MAF: variants seen among roughly 807,000 people sequenced by gnomAD.
MAF encodes MAF bZIP transcription factor.
MAF carries 10 observed loss-of-function variants against 22.0 expected under a neutral mutation model. The observed-to-expected ratio is 0.45, with a 90% CI of 0.28 to 0.77. The LOEUF (loss-of-function observed/expected upper bound fraction) is 0.77, where lower values mean the gene tolerates loss of function less well. Among genes scored for constraint, MAF ranks in the 30% least tolerant of loss-of-function variants. MAF has a pLI of 0.12. For synonymous variants in MAF, 337 were observed against 255.8 expected, an observed-to-expected ratio of 1.32 and a Z score of -3.03; for missense variants, 544 against 548.4, an observed-to-expected ratio of 0.99 and a Z score of 0.08.
the MAF span, among the ~76,000 whole-genome samples, chr16:79,358,886 G>A: frequency 6.6e-6 from 1 of 152,196 alleles, no homozygotes; most frequent in Non-Finnish European, 1.5e-5. Context: ...CCGATGGGAG[G>A]GAAATTTCCT....
chr16:79,357,264 CA>C, the MAF span, among the ~76,000 whole-genome samples: 1 of 133,280 alleles, frequency 7.5e-6, no homozygotes, highest in South Asian at 2.5e-4. Context: ...ACAACAACAA[CA>C]ACAACAACAA....
chr16:79,505,962 A>G, the MAF span, among the ~76,000 whole-genome samples: 1 of 152,118 alleles, frequency 6.6e-6, no homozygotes, highest in Non-Finnish European at 1.5e-5. Flanking sequence ...AAAGAAAGAA[A>G]GAAAATAGAG....
At chr16:79,432,258 A>T in the MAF span, among the ~76,000 whole-genome samples, 2 of 152,046 alleles carry the variant, frequency 1.3e-5, no homozygotes, top group Non-Finnish European at 2.9e-5. Context: ...TTCTGCCATG[A>T]TTGTAAGTTT....
chr16:79,547,885 T>TGTGTGTGTGC, the MAF span, among the ~76,000 whole-genome samples: 2 of 145,730 alleles, frequency 1.4e-5, no homozygotes, highest in African/African-American at 5.0e-5. Context: ...TGTGTGCGTG[T>TGTGTGTGTGC]GTGTGTGTGT....
the MAF span, among the ~76,000 whole-genome samples, chr16:79,294,303 G>T: frequency 9.2e-5 from 14 of 152,078 alleles, no homozygotes; most frequent in Admixed American, 5.9e-4. Flanking sequence ...ATAGAATTGG[G>T]GAACTATGAC....
chr16:79,347,750 C>T, the MAF span, among the ~76,000 whole-genome samples: 1 of 152,118 alleles, frequency 6.6e-6, no homozygotes, highest in Non-Finnish European at 1.5e-5. Context: ...ACAACCCGGG[C>T]CAAGAGCTCA....
the MAF span, among the ~76,000 whole-genome samples, chr16:79,478,612 CT>C: frequency 2.6e-5 from 4 of 152,168 alleles, no homozygotes; most frequent in South Asian, 8.3e-4. Flanking sequence ...CACACAATCA[CT>C]TGTGTACTAT....
the MAF span, among the ~76,000 whole-genome samples, chr16:79,217,194 T>C: frequency 2.6e-5 from 4 of 152,196 alleles, no homozygotes; most frequent in Non-Finnish European, 4.4e-5. Context: ...TTTATGCTCA[T>C]AGGATGAAAG....
the MAF span, among the ~76,000 whole-genome samples, chr16:79,432,489 C>A: frequency 1.3e-5 from 2 of 152,184 alleles, no homozygotes; most frequent in Admixed American, 6.5e-5. Context: ...ACAATTATAA[C>A]AATATACTTA....
chr16:79,364,394 T>C, the MAF span, among the ~76,000 whole-genome samples: 1 of 152,146 alleles, frequency 6.6e-6, no homozygotes, highest in Non-Finnish European at 1.5e-5. Flanking sequence ...TTCCCGCACC[T>C]GTCACTAGTC....
chr16:79,220,255 C>CAAAA, the MAF span, among the ~76,000 whole-genome samples: 32,247 of 93,128 alleles, frequency 0.35, 5,979 homozygotes, highest in Non-Finnish European at 0.48. Flanking sequence ...GACTCCATCT[C>CAAAA]AAAAAAAAAA....
chr16:79,596,480 CA>C (rs560620015), intron 1 of MAF: 218 of 1,034,070 alleles, frequency 2.1e-4, no homozygotes, highest in East Asian at 9.5e-4. Context: ...AGTACAGAAT[CA>C]AAAAAAAATG....
chr16:79,260,641 G>C, the MAF span, among the ~76,000 whole-genome samples: 1 of 152,208 alleles, frequency 6.6e-6, no homozygotes, highest in African/African-American at 2.4e-5. Context: ...GAGTGAATAA[G>C]TGCTGCCGAT....
chr16:79,341,829 G>C, the MAF span, among the ~76,000 whole-genome samples: 9 of 152,172 alleles, frequency 5.9e-5, no homozygotes, highest in Non-Finnish European at 1.3e-4. Context: ...GTGACTTGGA[G>C]AGTTGAGACT....
the MAF span, chr16:79,212,173 C>G: frequency 6.8e-6 from 10 of 1,480,842 alleles, no homozygotes; most frequent in Non-Finnish European, 8.0e-6. Flanking sequence ...ACGGCCACCA[C>G]TGCAGCCGGG....
At chr16:79,441,260 C>T in the MAF span, among the ~76,000 whole-genome samples, 5 of 152,166 alleles carry the variant, frequency 3.3e-5, no homozygotes, top group East Asian at 1.9e-4. Flanking sequence ...CTAAATGTTA[C>T]GACACATTTT....
chr16:79,300,423 T>G, the MAF span, among the ~76,000 whole-genome samples: 1 of 152,040 alleles, frequency 6.6e-6, no homozygotes, highest in African/African-American at 2.4e-5. Flanking sequence ...GGTGTGGTGG[T>G]GCACACATGT....
At chr16:79,227,458 T>C in the MAF span, among the ~76,000 whole-genome samples, 1 of 152,100 alleles carries the variant, frequency 6.6e-6, no homozygotes, top group Non-Finnish European at 1.5e-5. Context: ...AGGTCAGTAT[T>C]CAACAAGAGA....
At chr16:79,223,341 T>C in the MAF span, among the ~76,000 whole-genome samples, 1 of 152,154 alleles carries the variant, frequency 6.6e-6, no homozygotes, top group Non-Finnish European at 1.5e-5. Flanking sequence ...TGTAGCAGAA[T>C]CTCTGGGACA....
Sources: allele counts gnomAD v4.1 joint callset (sites outside exome capture counted in the v4.1 genomes callset), GRCh38; gene constraint gnomAD v4.1.1; transcripts MANE v1.5; gene names NCBI Gene and HGNC (gene_info 2026-07-23, HGNC 2026-07-21).